Variants in ATF7 observed in about 807,000 individuals in gnomAD.
ATF7 encodes the protein cyclic AMP-dependent transcription factor ATF-7.
Under a neutral mutation model 50.4 loss-of-function variants are expected in ATF7, and 10 were observed. The observed-to-expected ratio is 0.20, with a 90% CI of 0.12 to 0.34. The LOEUF (loss-of-function observed/expected upper bound fraction) is 0.34, where lower values mean the gene tolerates loss of function less well. Among genes scored for constraint, ATF7 ranks in the 10% least tolerant of loss-of-function variants. The probability of loss-of-function intolerance (pLI) is 1.00; values close to 1 mark genes in which losing one functional copy is unlikely to be tolerated. For missense variants in ATF7, 465 were observed against 613.9 expected (o/e 0.76, Z 2.56); for synonymous variants, 201 against 226.4 (o/e 0.89, Z 1.01).
At chr12:53,528,718 G>A (rs778657235) in intron 9 of ATF7, among the ~76,000 whole-genome samples, 35 of 152,034 alleles carry the variant, frequency 2.3e-4, no homozygotes, top group Non-Finnish European at 4.9e-4. Context: ...AGCCGAGATC[G>A]TGCCACTGCA....
intron 2 of ATF7, among the ~76,000 whole-genome samples, chr12:53,580,227 G>A (rs534202325): frequency 4.7e-5 from 7 of 148,094 alleles, no homozygotes; most frequent in South Asian, 4.3e-4. Context: ...TACCACACCC[G>A]GCCTCACAAA....
In ATF7 at chr12:53,605,094, A is replaced by C. The variant is rs536704114; in HGVS notation, c.-21-4073T>G. Among the ~76,000 whole-genome samples the C allele has an allele frequency of 3.9e-5, 6 of 152,328 alleles. No individual in the cohort carries two copies. The South Asian group carries it at 1.2e-3, about 32-fold the overall frequency. ...AAGAGGAGTTAACAGTCTTAGTAAAAGATTTAATAAGGAGCCAGGCACGGT... is the reference window on the plus strand; with the variant it reads ...AAGAGGAGTTAACAGTCTTAGTAAACGATTTAATAAGGAGCCAGGCACGGT... On this transcript the variant is annotated intron_variant, in intron 1 of 11. Transcript: ENST00000420353.
At chr12:53,598,029 A>G (rs935072560) in intron 2 of ATF7, among the ~76,000 whole-genome samples, 3 of 152,160 alleles carry the variant, frequency 2.0e-5, no homozygotes, top group African/African-American at 7.2e-5. Context: ...TGACAAATGG[A>G]TTACAAATAG....
intron 2 of ATF7, among the ~76,000 whole-genome samples, chr12:53,595,413 A>T (rs1196175980): frequency 6.6e-6 from 1 of 152,234 alleles, no homozygotes; most frequent in Non-Finnish European, 1.5e-5. Context: ...GCAACTTGCC[A>T]AAGGGACAGA....
In ATF7 at chr12:53,524,876, A is replaced by AT; in HGVS notation, c.928-116_928-115insA. On this transcript the variant is annotated intron_variant, in intron 9 of 11. Transcript: ENST00000420353. The surrounding 1 kb of genome is among the most constrained non-coding windows in gnomAD (Gnocchi z 4.6). Reference sequence around the variant, plus strand: ...GTAAAAGGATATACCAGCCTCTGGTAACCACAGCAAGTCTCATTACTATGT... The same window carrying AT: ...GTAAAAGGATATACCAGCCTCTGGTATACCACAGCAAGTCTCATTACTATGT... 3 of 1,003,138 alleles carry AT rather than the reference A, an allele frequency of 3.0e-6. No homozygotes were observed. The highest frequency in any genetic ancestry group is 1.7e-5 in the South Asian group (1 of 57,314). The allele number at this position is 1,003,138 out of a possible 1,614,324, so 62.1% of individuals were successfully genotyped here.
At chr12:53,592,931 T>C (rs1565986001) in intron 2 of ATF7, among the ~76,000 whole-genome samples, 1 of 152,198 alleles carries the variant, frequency 6.6e-6, no homozygotes, top group African/African-American at 2.4e-5. Context: ...AACACTATAC[T>C]TTATGTGTTA....
intron 5 of ATF7, among the ~76,000 whole-genome samples, chr12:53,535,501 A>T (rs1214025363): frequency 2.6e-5 from 4 of 152,048 alleles, no homozygotes; most frequent in Admixed American, 6.6e-5. Context: ...AGATTGAAAG[A>T]AGGAGGAAGC....
At chr12:53,604,672 C>T (rs1054857831) in intron 1 of ATF7, among the ~76,000 whole-genome samples, 1 of 152,168 alleles carries the variant, frequency 6.6e-6, no homozygotes, top group African/African-American at 2.4e-5. Flanking sequence ...CATACAAACA[C>T]ATCCAGGGGC....
At chr12:53,565,992 T>A (rs536810440) in intron 2 of ATF7, among the ~76,000 whole-genome samples, 1 of 152,290 alleles carries the variant, frequency 6.6e-6, no homozygotes, top group South Asian at 2.1e-4. Context: ...AGTCACATCT[T>A]ACATGGCAGT....
intron 1 of ATF7, among the ~76,000 whole-genome samples, chr12:53,625,319 G>A (rs1944558741): frequency 6.6e-6 from 1 of 152,166 alleles, no homozygotes; most frequent in Non-Finnish European, 1.5e-5. Flanking sequence ...CGATGAAAGC[G>A]TTCTATTTTT....
rs574370190 is a variant in ATF7, at chr12:53,518,259, C to T, written c.1235-905G>A. 8.5e-4 allele frequency among the ~76,000 whole-genome samples: 129 copies of T among 152,376 alleles called. 4 individuals carry two copies. The South Asian group carries it at 0.026, about 31-fold the overall frequency. ...ATAATTAAATGATATTATGAATGGC[C>T]AGTCCCTGGCCCGGGTTCAGTTAAC... On this transcript the variant is annotated intron_variant, in intron 11 of 11. Transcript: ENST00000420353.
intron 2 of ATF7, among the ~76,000 whole-genome samples, chr12:53,575,174 G>A (rs12300370): frequency 0.042 from 6,388 of 151,932 alleles, 376 homozygotes; most frequent in African/African-American, 0.13. Flanking sequence ...TTGGGAGGCC[G>A]AGGCAGGCGG....
chr12:53,583,990 T>G (rs1398362138), intron 2 of ATF7, among the ~76,000 whole-genome samples: 2 of 152,188 alleles, frequency 1.3e-5, no homozygotes, highest in Non-Finnish European at 2.9e-5. Flanking sequence ...TTATTAGTAT[T>G]ATTTTTTGAG....
At chr12:53,587,366 C>CAAAAAAAAAAAAAAAAAAAA (rs55904354) in intron 2 of ATF7, among the ~76,000 whole-genome samples, 15 of 62,294 alleles carry the variant, frequency 2.4e-4, no homozygotes, top group East Asian at 2.1e-3. Flanking sequence ...AATTCCGCAT[C>CAAAAAAAAAAAAAAAAAAAA]AAAAAAAAAA....
chr12:53,555,114 G>A (rs1024331807), intron 2 of ATF7, among the ~76,000 whole-genome samples: 6 of 152,040 alleles, frequency 3.9e-5, no homozygotes, highest in Admixed American at 2.6e-4. Flanking sequence ...GAGGTCAGGA[G>A]TTCGAGACCA....
chr12:53,546,381 A>ACAAAAAACAAAAAG (rs1247114516), intron 3 of ATF7, among the ~76,000 whole-genome samples: 10 of 152,224 alleles, frequency 6.6e-5, no homozygotes, highest in Admixed American at 5.9e-4. Context: ...CTCAAAAAAA[A>ACAAAAAACAAAAAG]CAAAAAACAG....
At chr12:53,509,525 A>C (rs1944089620), downstream of ATF7, among the ~76,000 whole-genome samples, 1 of 139,628 alleles carries the variant, frequency 7.2e-6, no homozygotes, top group African/African-American at 2.7e-5. Flanking sequence ...TTTTTTTACG[A>C]TGGAGTCTGG....
chr12:53,601,072 A>G, intron 1 of ATF7, 51 bp from the exon 2 acceptor site: 1 of 908,922 alleles, frequency 1.1e-6, no homozygotes, highest in Non-Finnish European at 1.5e-6. Flanking sequence ...GCTGGAGCAA[A>G]AAAAAAAAAA....
chr12:53,585,881 A>AT (rs954490315), intron 2 of ATF7, among the ~76,000 whole-genome samples: 42 of 152,336 alleles, frequency 2.8e-4, no homozygotes, highest in African/African-American at 7.7e-4. Flanking sequence ...TGACAAGCCG[A>AT]TTACTGTCTA....
Sources: gnomAD v4.1 joint callset for allele counts (sites outside exome capture counted in the v4.1 genomes callset) on GRCh38, gnomAD v4.1.1 for gene constraint, Gnocchi (gnomAD v3.1) non-coding constraint, MANE v1.5 for transcripts, NCBI Gene and HGNC (gene_info 2026-07-23, HGNC 2026-07-21) for gene names.